The following TAFA4 variants were observed in gnomAD, a reference collection of about 807,000 sequenced individuals.
The protein encoded by TAFA4 is TAFA chemokine like family member 4, also known as chemokine-like protein TAFA-4.
In TAFA4, 20 loss-of-function variants were observed where a neutral mutation model predicts 21.1. The ratio of observed to expected loss-of-function variants is 0.95; its 90% CI spans 0.67 to 1.38. TAFA4 has a LOEUF of 1.38. TAFA4 is among the 40% of genes most tolerant of loss of function. The pLI is 0.00. For synonymous variants in TAFA4, 71 were observed against 67.4 expected (o/e 1.05, Z -0.26); for missense variants, 211 against 180.9 (o/e 1.17, Z -0.95).
intron 3 of TAFA4, among the ~76,000 whole-genome samples, chr3:68,824,274 T>C (rs4855528): frequency 0.031 from 4,782 of 152,284 alleles, 270 homozygotes; most frequent in East Asian, 0.25. Context: ...AAGTCCAAAA[T>C]GGGTTTAACT....
chr3:68,910,850 A>G (rs535463383), intron 1 of TAFA4, among the ~76,000 whole-genome samples: 1 of 152,288 alleles, frequency 6.6e-6, no homozygotes, highest in African/African-American at 2.4e-5. Context: ...CATTGTACCA[A>G]CCTCATAGGT....
At chr3:68,921,269 G>A (rs954865164) in intron 1 of TAFA4, among the ~76,000 whole-genome samples, 3 of 151,890 alleles carry the variant, frequency 2.0e-5, no homozygotes, top group African/African-American at 7.3e-5. Context: ...CGCTCTGCTT[G>A]GTGGTTGCCA....
chr3:68,798,862 G>C (rs1230031387), intron 3 of TAFA4, among the ~76,000 whole-genome samples: 6 of 151,926 alleles, frequency 3.9e-5, no homozygotes, highest in African/African-American at 9.7e-5. Flanking sequence ...AAATTTAAAA[G>C]GAACAAGAAA....
intron 3 of TAFA4, among the ~76,000 whole-genome samples, chr3:68,850,834 C>T (rs1216038283): frequency 6.6e-6 from 1 of 151,878 alleles, no homozygotes; most frequent in East Asian, 1.9e-4. Flanking sequence ...CTGTAGGTTG[C>T]CTGTTCTCTC....
rs943020381 is a variant in TAFA4 at position 68,765,475 on chromosome 3, A to G, written c.131-12457T>C. Among the ~76,000 whole-genome samples, 8 of 152,262 alleles carry G rather than the reference A, an allele frequency of 5.3e-5. No homozygotes were observed. In the South Asian group the frequency reaches 1.7e-3, roughly 32 times the overall value. ...GGTGTTAAACTCTCTTACAAATGCT[A>G]TTTTTGTTTACACACTATATATGTC... is the stretch of plus-strand genomic sequence containing the variant. On this transcript the variant is annotated intron_variant, in intron 3 of 5. Transcript: ENST00000295569.
At chr3:68,799,558 A>C (rs905778898) in intron 3 of TAFA4, among the ~76,000 whole-genome samples, 1 of 152,230 alleles carries the variant, frequency 6.6e-6, no homozygotes, top group Non-Finnish European at 1.5e-5. Flanking sequence ...TCAAGGAGCC[A>C]AAAATGGGGA....
intron 1 of TAFA4, among the ~76,000 whole-genome samples, chr3:68,928,664 T>C (rs1045777179): frequency 2.0e-5 from 3 of 152,176 alleles, no homozygotes; most frequent in Admixed American, 6.5e-5. Flanking sequence ...GTCCAATCCT[T>C]GAGGTGGGCT....
intron 3 of TAFA4, among the ~76,000 whole-genome samples, chr3:68,869,358 C>G (rs1306397908): frequency 6.6e-6 from 1 of 151,974 alleles, no homozygotes; most frequent in Non-Finnish European, 1.5e-5. Context: ...CAAATTCACT[C>G]TACAAGGCCA....
At chr3:68,857,215 G>C (rs1020212170) in intron 3 of TAFA4, among the ~76,000 whole-genome samples, 30 of 152,130 alleles carry the variant, frequency 2.0e-4, no homozygotes, top group African/African-American at 7.2e-4. Context: ...ACGTTGTCAT[G>C]TAGGCTTTCT....
chr3:68,919,399 C>T (rs777433541), intron 1 of TAFA4, among the ~76,000 whole-genome samples: 2 of 152,124 alleles, frequency 1.3e-5, no homozygotes, highest in Non-Finnish European at 2.9e-5. Flanking sequence ...TCAAGAGTCT[C>T]GAGCCCCTGA....
At chr3:68,760,188 AT>A (rs1702735445) in intron 3 of TAFA4, among the ~76,000 whole-genome samples, 1 of 152,192 alleles carries the variant, frequency 6.6e-6, no homozygotes, top group South Asian at 2.1e-4. Flanking sequence ...TACAACAAAA[AT>A]TGATTGCTTC....
At chr3:68,801,913 C>T (rs1055354401) in intron 3 of TAFA4, among the ~76,000 whole-genome samples, 2 of 151,368 alleles carry the variant, frequency 1.3e-5, no homozygotes, top group African/African-American at 4.8e-5. Flanking sequence ...GTCCCCTAAT[C>T]ATTCAAATAA....
chr3:68,835,377 A>G (rs1704499367), intron 3 of TAFA4, among the ~76,000 whole-genome samples: 1 of 152,224 alleles, frequency 6.6e-6, no homozygotes, highest in Admixed American at 6.5e-5. Context: ...TTCCGCAGAA[A>G]AAGAACAGTA....
rs543823629 is a variant in TAFA4, at chr3:68,759,250, T to G, written c.131-6232A>C. Among the ~76,000 whole-genome samples the G allele has an allele frequency of 1.1e-4, 16 of 152,326 alleles. 1 individual carries two copies. The South Asian group carries it at 3.3e-3, about 32-fold the overall frequency. Reference sequence around the variant, plus strand: ...CCCACCTACATTTGAAAGGGCCATCTGTTTTACTCAATCCATTGATTCAAA... The same window carrying G: ...CCCACCTACATTTGAAAGGGCCATCGGTTTTACTCAATCCATTGATTCAAA... On this transcript the variant is annotated intron_variant, in intron 3 of 5. Coordinates refer to ENST00000295569, the MANE Select transcript of TAFA4 (RefSeq NM_182522.5).
chr3:68,779,265 T>C (rs1262132937), intron 3 of TAFA4, among the ~76,000 whole-genome samples: 1 of 152,112 alleles, frequency 6.6e-6, no homozygotes. Flanking sequence ...GGAAACAGCA[T>C]AAACGTTTGG....
chr3:68,734,256 A>G (rs1702201216), intron 5 of TAFA4, among the ~76,000 whole-genome samples: 1 of 152,188 alleles, frequency 6.6e-6, no homozygotes, highest in African/African-American at 2.4e-5. Context: ...ACCCAGTCTT[A>G]GCTCATGGCC....
intron 4 of TAFA4, among the ~76,000 whole-genome samples, chr3:68,747,793 C>T (rs1384423599): frequency 6.6e-6 from 1 of 152,100 alleles, no homozygotes; most frequent in Admixed American, 6.5e-5. Context: ...ACTTCATACT[C>T]TTTTTTATTG....
intron 3 of TAFA4, among the ~76,000 whole-genome samples, chr3:68,803,955 T>C (rs1426587408): frequency 6.6e-6 from 1 of 151,786 alleles, no homozygotes; most frequent in Non-Finnish European, 1.5e-5. Flanking sequence ...ACCTGGCTAA[T>C]TTTTGTATTT....
intron 3 of TAFA4, among the ~76,000 whole-genome samples, chr3:68,859,996 G>A (rs554446589): frequency 2.0e-5 from 3 of 152,248 alleles, no homozygotes; most frequent in South Asian, 4.2e-4. Flanking sequence ...GACCTTTCCT[G>A]AACATCTTAG....
Sources: gnomAD v4.1 joint callset for allele counts (sites outside exome capture counted in the v4.1 genomes callset) on GRCh38, gnomAD v4.1.1 for gene constraint, MANE v1.5 for transcripts, NCBI Gene and HGNC (gene_info 2026-07-23, HGNC 2026-07-21) for gene names.